The following LCLAT1 variants were observed in gnomAD, a reference collection of about 807,000 sequenced individuals.
LCLAT1 encodes 1-AGP acyltransferase 8.
LCLAT1 carries 11 observed loss-of-function variants against 30.7 expected under a neutral mutation model. The observed-to-expected ratio is 0.36, with a 90% CI of 0.23 to 0.59. The LOEUF (loss-of-function observed/expected upper bound fraction) is 0.59, where lower values mean the gene tolerates loss of function less well. Among genes scored for constraint, LCLAT1 ranks in the 20% least tolerant of loss-of-function variants. The pLI, the probability that LCLAT1 is intolerant of heterozygous loss-of-function variation, is 0.77. For synonymous variants in LCLAT1, 155 were observed against 151.3 expected, an observed-to-expected ratio of 1.02 and a Z score of -0.18; for missense variants, 402 against 458.6, an observed-to-expected ratio of 0.88 and a Z score of 1.13.
chr2:30,452,708 G>A (rs2148255970), intron 1 of LCLAT1, among the ~76,000 whole-genome samples: 1 of 152,264 alleles, frequency 6.6e-6, no homozygotes, highest in South Asian at 2.1e-4. Context: ...TCTTCTCCCT[G>A]TGAGGCACTA....
rs1665252878 is a variant in LCLAT1 at position 30,562,092 on chromosome 2, T to A, written c.365-54T>A. The A allele has an allele frequency of 6.9e-6, 9 of 1,295,556 alleles. No homozygotes were observed. The South Asian group carries it at 1.1e-4, about 16-fold the overall frequency. The allele number at this position is 1,295,556 out of a possible 1,614,324, so 80.3% of individuals were successfully genotyped here. A position where few individuals can be genotyped will look rare whatever the true frequency, so the allele number is the denominator to read the frequency against. On this transcript the variant is annotated intron_variant, in intron 3 of 5. Coordinates refer to ENST00000379509, the MANE Select transcript of LCLAT1 (RefSeq NM_001002257.3). Reference sequence around the variant, plus strand: ...AACTGAAATATTGTATTCAATAATATGTGGATATTGGCAATAAAATTATAG... The same window carrying A: ...AACTGAAATATTGTATTCAATAATAAGTGGATATTGGCAATAAAATTATAG...
chr2:30,627,949 G>A (rs755236130), intron 5 of LCLAT1, among the ~76,000 whole-genome samples: 6 of 152,092 alleles, frequency 3.9e-5, no homozygotes, highest in Non-Finnish European at 7.4e-5. Flanking sequence ...AAATGTTAAT[G>A]AAAGCAATAA....
chr2:30,521,555 T>G (rs937483587), intron 1 of LCLAT1, among the ~76,000 whole-genome samples: 1 of 123,578 alleles, frequency 8.1e-6, no homozygotes, highest in Admixed American at 1.1e-4. Flanking sequence ...GTCACCAGGC[T>G]GGAGTGCAGT....
intron 5 of LCLAT1, among the ~76,000 whole-genome samples, chr2:30,594,960 G>T (rs538360626): frequency 3.9e-4 from 59 of 152,172 alleles, no homozygotes; most frequent in African/African-American, 1.4e-3. Context: ...ATCCCATTCA[G>T]TTATTCTGGT....
chr2:30,625,843 A>G (rs1311962566), intron 5 of LCLAT1, among the ~76,000 whole-genome samples: 1 of 152,214 alleles, frequency 6.6e-6, no homozygotes, highest in African/African-American at 2.4e-5. Flanking sequence ...ATAAGTGACC[A>G]CTAACTGATC....
At chr2:30,598,414 C>CTTTTTTTTTTTTTTTTTTT (rs58514140) in intron 5 of LCLAT1, among the ~76,000 whole-genome samples, 1 of 135,948 alleles carries the variant, frequency 7.4e-6, no homozygotes, top group Non-Finnish European at 1.6e-5. Flanking sequence ...TCTAGATTTT[C>CTTTTTTTTTTTTTTTTTTT]TTTTTTTTTT....
At chr2:30,600,311 T>C (rs1667124249) in intron 5 of LCLAT1, among the ~76,000 whole-genome samples, 1 of 152,200 alleles carries the variant, frequency 6.6e-6, no homozygotes, top group African/African-American at 2.4e-5. Flanking sequence ...CAAGAAGTTC[T>C]TTGAAGTCAA....
At chr2:30,523,710 A>G (rs1010668447) in intron 1 of LCLAT1, among the ~76,000 whole-genome samples, 1 of 152,186 alleles carries the variant, frequency 6.6e-6, no homozygotes, top group African/African-American at 2.4e-5. Context: ...TTTACTAAAA[A>G]TACAAAAATC....
intron 5 of LCLAT1, chr2:30,606,022 G>C: frequency 7.7e-7 from 1 of 1,298,948 alleles, no homozygotes; most frequent in Non-Finnish European, 1.0e-6. Context: ...TCAGGCAGGA[G>C]GCAGAGCGAG....
At chr2:30,483,068 TTTAG>T (rs1226008100) in intron 1 of LCLAT1, among the ~76,000 whole-genome samples, 1 of 152,188 alleles carries the variant, frequency 6.6e-6, no homozygotes, top group Non-Finnish European at 1.5e-5. Flanking sequence ...AAATTTGGAC[TTTAG>T]TTAATACAAA....
At chr2:30,576,740 T>G (rs1279605427) in intron 5 of LCLAT1, among the ~76,000 whole-genome samples, 2 of 152,142 alleles carry the variant, frequency 1.3e-5, no homozygotes, top group Non-Finnish European at 2.9e-5. Context: ...TGTTGACATG[T>G]GTCCATTTCA....
intron 1 of LCLAT1, chr2:30,476,360 T>C: frequency 2.2e-6 from 1 of 456,474 alleles, no homozygotes; most frequent in Non-Finnish European, 4.4e-6. Flanking sequence ...GGGTAGGAGG[T>C]GAATGGCAGG....
At chr2:30,605,639 T>A (rs936002804) in intron 5 of LCLAT1, among the ~76,000 whole-genome samples, 2 of 152,172 alleles carry the variant, frequency 1.3e-5, no homozygotes, top group African/African-American at 4.8e-5. Flanking sequence ...TAATTCTCAC[T>A]AAGAGTGAAA....
chr2:30,597,590 CAA>C (rs1183755711), intron 5 of LCLAT1, among the ~76,000 whole-genome samples: 1 of 152,164 alleles, frequency 6.6e-6, no homozygotes, highest in Admixed American at 6.5e-5. Context: ...CATCTGCAAA[CAA>C]AGACAATTTG....
At chr2:30,520,651 A>G (rs1333365016) in intron 1 of LCLAT1, among the ~76,000 whole-genome samples, 2 of 152,232 alleles carry the variant, frequency 1.3e-5, no homozygotes, top group Admixed American at 1.3e-4. Flanking sequence ...TGTAAAATAT[A>G]TGAAACAGTG....
intron 5 of LCLAT1, among the ~76,000 whole-genome samples, chr2:30,618,017 T>C (rs1421151881): frequency 6.6e-6 from 1 of 152,170 alleles, no homozygotes; most frequent in Non-Finnish European, 1.5e-5. Context: ...TTTCAGTTTA[T>C]GATTTGTGCT....
At chr2:30,571,429 G>A (rs1222933506) in intron 5 of LCLAT1, among the ~76,000 whole-genome samples, 1 of 152,156 alleles carries the variant, frequency 6.6e-6, no homozygotes, top group Non-Finnish European at 1.5e-5. Context: ...GGAAATAAAA[G>A]CAATATACCA....
intron 5 of LCLAT1, among the ~76,000 whole-genome samples, chr2:30,584,260 C>A (rs1246642857): frequency 2.0e-5 from 3 of 152,172 alleles, no homozygotes; most frequent in African/African-American, 7.2e-5. Flanking sequence ...ATGCGTGAAC[C>A]TCTCTTCTCT....
intron 5 of LCLAT1, among the ~76,000 whole-genome samples, chr2:30,637,983 C>T (rs1423408472): frequency 6.6e-6 from 1 of 152,298 alleles, no homozygotes; most frequent in East Asian, 1.9e-4. Context: ...TTCCTCTACC[C>T]CCTGCGAACA....
Sources: allele counts gnomAD v4.1 joint callset (sites outside exome capture counted in the v4.1 genomes callset), GRCh38; gene constraint gnomAD v4.1.1; transcripts MANE v1.5; gene names NCBI Gene and HGNC (gene_info 2026-07-23, HGNC 2026-07-21).